The following GALNT10 variants were observed in gnomAD, a reference collection of about 807,000 sequenced individuals.
The protein encoded by GALNT10 is GalNAc transferase 10.
In GALNT10, 41 loss-of-function variants were observed where a neutral mutation model predicts 75.0. The observed-to-expected ratio is 0.55, with a 90% CI of 0.43 to 0.71. The LOEUF (loss-of-function observed/expected upper bound fraction) is 0.71. Ranked by LOEUF, GALNT10 falls within the 30% of genes least tolerant of loss-of-function variation. The probability of loss-of-function intolerance (pLI) is 0.00; values close to 1 mark genes in which losing one functional copy is unlikely to be tolerated. For synonymous variants in GALNT10, 302 were observed against 313.0 expected (o/e 0.96, Z 0.37); for missense variants, 727 against 818.5 (o/e 0.89, Z 1.36).
chr5:154,341,962 G>A (rs1755038011), intron 4 of GALNT10, among the ~76,000 whole-genome samples: 1 of 152,146 alleles, frequency 6.6e-6, no homozygotes, highest in Non-Finnish European at 1.5e-5. Context: ...ACTAGTCAGA[G>A]TTGATTTTCT....
At chr5:154,199,385 G>A (rs539812657) in intron 1 of GALNT10, among the ~76,000 whole-genome samples, 13 of 152,176 alleles carry the variant, frequency 8.5e-5, no homozygotes, top group Admixed American at 3.3e-4. Context: ...TTCAGGACCC[G>A]CCCTTGAACT....
intron 4 of GALNT10, chr5:154,337,383 G>A (rs1754960771): frequency 3.5e-6 from 2 of 565,056 alleles, no homozygotes; most frequent in Admixed American, 2.4e-5. Context: ...GCTTGGCTGA[G>A]TTCACAAATC....
chr5:154,366,663 TA>T (rs958663818), intron 4 of GALNT10, among the ~76,000 whole-genome samples: 2 of 152,020 alleles, frequency 1.3e-5, no homozygotes, highest in Non-Finnish European at 2.9e-5. Flanking sequence ...GAAAGACAAC[TA>T]AAAAAGGCCC....
intron 1 of GALNT10, among the ~76,000 whole-genome samples, chr5:154,239,352 GCCA>G (rs1248623821): frequency 6.6e-6 from 1 of 152,290 alleles, no homozygotes; most frequent in East Asian, 1.9e-4. Flanking sequence ...CAACCCCCAG[GCCA>G]CGGACTACCT....
chr5:154,376,328 G>T lies in GALNT10; in HGVS notation c.620G>T (p.Arg207Met). 6.2e-7 allele frequency: 1 copy of T among 1,612,738 alleles called. No homozygotes were observed. Among genetic ancestry groups the T allele is most frequent in the Non-Finnish European group, 8.5e-7 (1 of 1,179,256 alleles). The change falls in exon 5 of 12, where the codon AGG (arginine) becomes ATG (methionine). Residue 207 changes from arginine to methionine, a missense_variant. Coordinates refer to ENST00000297107, the MANE Select transcript of GALNT10 (RefSeq NM_198321.4). The surrounding 1 kb of genome is among the most constrained non-coding windows in gnomAD (Gnocchi z 4.1). The stretch of plus-strand genomic sequence containing the variant: ...TACATGGCCCTTTTCCCCAGTGTGA[G>T]GATTCTTCGAACCAAGAAACGGGAA... ...EDYMALFPSV[R>M]ILRTKKREGL...
intron 4 of GALNT10, among the ~76,000 whole-genome samples, chr5:154,363,483 C>A (rs27155): frequency 1.7e-5 from 2 of 118,230 alleles, no homozygotes; most frequent in Non-Finnish European, 3.3e-5. Flanking sequence ...TTTGTGCCAG[C>A]GTTTATCTGA....
rs375656292 is a variant in GALNT10, at chr5:154,229,701, C to G, written c.159+38676C>G. On this transcript the variant is annotated intron_variant, in intron 1 of 11. Coordinates refer to ENST00000297107, the MANE Select transcript of GALNT10 (RefSeq NM_198321.4). ...TGAGCCGAGAATGCGCCACTGTACT[C>G]CAGCCTGGGCGACAGAGTGAGACTC... 5.9e-5 allele frequency among the ~76,000 whole-genome samples: 9 copies of G among 152,222 alleles called. No individual in the cohort carries two copies. The East Asian group carries it at 1.4e-3, about 23-fold the overall frequency.
At chr5:154,248,776 A>G (rs965005061) in intron 1 of GALNT10, among the ~76,000 whole-genome samples, 1 of 152,152 alleles carries the variant, frequency 6.6e-6, no homozygotes, top group Non-Finnish European at 1.5e-5. Context: ...TGGATTCATT[A>G]ACTGCTGCGC....
intron 1 of GALNT10, among the ~76,000 whole-genome samples, chr5:154,193,172 AC>A (rs1423520685): frequency 6.6e-6 from 1 of 152,134 alleles, no homozygotes; most frequent in East Asian, 1.9e-4. Context: ...TGGGGGGAAT[AC>A]CAACTGATTA....
intron 1 of GALNT10, among the ~76,000 whole-genome samples, chr5:154,204,737 G>A (rs1045384252): frequency 7.9e-5 from 12 of 152,168 alleles, no homozygotes; most frequent in Admixed American, 5.2e-4. Context: ...GAGGGCTTCC[G>A]TGAACATACC....
At chr5:154,223,707 G>A (rs1249093896) in intron 1 of GALNT10, among the ~76,000 whole-genome samples, 2 of 152,018 alleles carry the variant, frequency 1.3e-5, no homozygotes, top group Non-Finnish European at 2.9e-5. Flanking sequence ...ATCACCTGAG[G>A]TTAGGAATTT....
intron 1 of GALNT10, among the ~76,000 whole-genome samples, chr5:154,283,065 C>T (rs1228354131): frequency 1.3e-5 from 2 of 152,040 alleles, no homozygotes. Flanking sequence ...TTGCTGTGGT[C>T]TGGGAAGACT....
At position 154,191,042 on chromosome 5, in the gene GALNT10, C is replaced by T; in HGVS notation, c.159+17C>T. 3 of 1,400,934 alleles carry T rather than the reference C, an allele frequency of 2.1e-6. No individual in the cohort carries two copies. The highest frequency in any genetic ancestry group is 2.9e-5 in the South Asian group (2 of 69,016). The allele number at this position is 1,400,934 out of a possible 1,614,324, so 86.8% of individuals were successfully genotyped here. A position where few individuals can be genotyped will look rare whatever the true frequency, so the allele number is the denominator to read the frequency against. On this transcript the variant is annotated intron_variant, in intron 1 of 11. Coordinates refer to ENST00000297107, the MANE Select transcript of GALNT10 (RefSeq NM_198321.4). ...GCGGGACAGGTGAGTCCCCCCGTTG[C>T]TACAGGCCGGGAACACCCCCTTCCC...
intron 1 of GALNT10, among the ~76,000 whole-genome samples, chr5:154,221,164 A>G (rs1752971353): frequency 6.6e-6 from 1 of 152,230 alleles, no homozygotes; most frequent in Non-Finnish European, 1.5e-5. Context: ...GGACTTCTAG[A>G]TAGACGCACT....
intron 1 of GALNT10, among the ~76,000 whole-genome samples, chr5:154,192,093 T>A (rs1351554116): frequency 6.6e-6 from 1 of 152,236 alleles, no homozygotes; most frequent in Non-Finnish European, 1.5e-5. Flanking sequence ...GTGGATAATT[T>A]GTGTATCAGG....
In GALNT10 at chr5:154,299,838, T is replaced by G. The variant is rs1162754252; in HGVS notation, c.401+1759T>G. On this transcript the variant is annotated intron_variant, in intron 3 of 11. Coordinates refer to ENST00000297107, the MANE Select transcript of GALNT10 (RefSeq NM_198321.4). ...TTCACTGTCAAATCCCAGATTTTTT[T>G]TTTTTTTTTTTTTTGAGACAGGGTC... Among the ~76,000 whole-genome samples, 532 of 151,288 alleles carry G rather than the reference T, an allele frequency of 3.5e-3. 4 individuals are homozygous for G. Among genetic ancestry groups the G allele is most frequent in the African/African-American group, 0.012 (505 of 41,216 alleles).
intron 3 of GALNT10, among the ~76,000 whole-genome samples, chr5:154,325,690 T>G (rs1754746816): frequency 6.7e-6 from 1 of 149,598 alleles, no homozygotes; most frequent in Non-Finnish European, 1.5e-5. Flanking sequence ...ATTAAAACAC[T>G]CAGCAAACTA....
At chr5:154,368,659 A>G (rs148041720) in intron 4 of GALNT10, among the ~76,000 whole-genome samples, 2 of 152,336 alleles carry the variant, frequency 1.3e-5, no homozygotes, top group East Asian at 1.9e-4. Context: ...CAGAAAAAGT[A>G]TGTCTTTCCT....
chr5:154,329,413 G>T (rs1561662604), intron 3 of GALNT10, 159 bp from the exon 4 acceptor site: 2 of 618,796 alleles, frequency 3.2e-6, no homozygotes, highest in East Asian at 5.4e-5. Context: ...GGGATGTCAT[G>T]TAGAAGTTCC....
Sources: allele counts gnomAD v4.1 joint callset (sites outside exome capture counted in the v4.1 genomes callset), GRCh38; gene constraint gnomAD v4.1.1; non-coding constraint Gnocchi (gnomAD v3.1); transcripts MANE v1.5; gene names NCBI Gene and HGNC (gene_info 2026-07-23, HGNC 2026-07-21).